The following P4HA1 variants were observed in gnomAD, a reference collection of about 807,000 sequenced individuals.
The protein encoded by P4HA1 is prolyl 4-hydroxylase subunit alpha 1, also known as prolyl 4-hydroxylase subunit alpha-1.
In P4HA1, 24 loss-of-function variants were observed where a neutral mutation model predicts 72.8. The observed-to-expected ratio is 0.33, with a 90% CI of 0.24 to 0.46. The LOEUF (loss-of-function observed/expected upper bound fraction) is 0.46, where lower values mean the gene tolerates loss of function less well. P4HA1 is among the 20% of genes least tolerant of loss of function. The probability of loss-of-function intolerance (pLI) is 1.00; values close to 1 mark genes in which losing one functional copy is unlikely to be tolerated. For synonymous variants in P4HA1, 201 were observed against 218.8 expected (o/e 0.92, Z 0.72); for missense variants, 446 against 640.6 (o/e 0.70, Z 3.28).
At chr10:73,031,494 G>A (rs75270625) in intron 9 of P4HA1, among the ~76,000 whole-genome samples, 1,553 of 152,188 alleles carry the variant, frequency 0.01, 28 homozygotes, top group African/African-American at 0.035. Context: ...CTACATACAT[G>A]CTACAACATG....
chr10:73,012,667 A>G (rs1036296735), intron 12 of P4HA1, among the ~76,000 whole-genome samples: 3 of 152,208 alleles, frequency 2.0e-5, no homozygotes, highest in Admixed American at 2.0e-4. Context: ...AAATAGACTG[A>G]ACAGACAGAT....
At chr10:73,062,121 A>C (rs939433576) in intron 5 of P4HA1, among the ~76,000 whole-genome samples, 1 of 152,230 alleles carries the variant, frequency 6.6e-6, no homozygotes, top group African/African-American at 2.4e-5. Flanking sequence ...AAAATACTCC[A>C]ACAAAAATGA....
chr10:73,074,397 C>A (rs1161144906), intron 2 of P4HA1, among the ~76,000 whole-genome samples: 1 of 152,004 alleles, frequency 6.6e-6, no homozygotes, highest in Non-Finnish European at 1.5e-5. Context: ...CCAGGAGAAT[C>A]CCTTGAGGCC....
At chr10:73,041,520 G>A (rs1260467243) in intron 9 of P4HA1, among the ~76,000 whole-genome samples, 2 of 148,628 alleles carry the variant, frequency 1.3e-5, no homozygotes, top group Non-Finnish European at 3.0e-5. Flanking sequence ...CAGCCTGGGG[G>A]CGACAGAGCA....
chr10:73,042,552 C>T (rs1194514444), intron 9 of P4HA1, among the ~76,000 whole-genome samples: 2 of 152,028 alleles, frequency 1.3e-5, no homozygotes, highest in Non-Finnish European at 2.9e-5. Context: ...TTAAATGTAT[C>T]CACTGGAATC....
chr10:73,087,541 C>T (rs1223204655), intron 1 of P4HA1, among the ~76,000 whole-genome samples: 3 of 152,162 alleles, frequency 2.0e-5, no homozygotes, highest in Non-Finnish European at 2.9e-5. Flanking sequence ...GCTGGGATTA[C>T]AGGCATGACC....
At chr10:73,052,151 TTAG>T (rs1285539909) in intron 6 of P4HA1, among the ~76,000 whole-genome samples, 1 of 151,570 alleles carries the variant, frequency 6.6e-6, no homozygotes, top group Non-Finnish European at 1.5e-5. Context: ...GAACTACCTT[TTAG>T]TAGAAGAAAA....
chr10:73,020,377 T>C (rs1452989997), intron 10 of P4HA1, among the ~76,000 whole-genome samples: 1 of 151,574 alleles, frequency 6.6e-6, no homozygotes, highest in African/African-American at 2.4e-5. Flanking sequence ...AACAGACCAA[T>C]AAGGAATTCT....
At chr10:73,051,019 A>G in intron 7 of P4HA1, 34 bp downstream of exon 7, 2 of 1,471,964 alleles carry the variant, frequency 1.4e-6, no homozygotes, top group Non-Finnish European at 1.9e-6. Context: ...ACACACACAC[A>G]TTCACATACA....
At chr10:73,060,287 C>T (rs905698119) in intron 5 of P4HA1, among the ~76,000 whole-genome samples, 18 of 152,066 alleles carry the variant, frequency 1.2e-4, no homozygotes, top group African/African-American at 4.1e-4. Context: ...AATATAAACC[C>T]TGTGGTTTTC....
In P4HA1 at chr10:73,037,525, CTATATATATATATATATATA is replaced by C. The variant is rs869107512; in HGVS notation, c.1149-7175_1149-7156del. Among the ~76,000 whole-genome samples the C allele has an allele frequency of 4.1e-4, 14 of 34,304 alleles. 1 individual carries two copies. The highest frequency in any genetic ancestry group is 1.2e-3 in the African/African-American group (10 of 8,304). 22.5% of individuals were successfully genotyped at this position (34,304 alleles called of 152,430 possible). ...TCTATGATTAGCTAATCGAAAACCA[CTATATATATATATATATATA>C]TATATATATATATATATATATATAT... On this transcript the variant is annotated intron_variant, in intron 9 of 14. Transcript: ENST00000394890.
chr10:73,095,338 A>G (rs1842140749), intron 1 of P4HA1, among the ~76,000 whole-genome samples: 1 of 151,418 alleles, frequency 6.6e-6, no homozygotes, highest in South Asian at 2.1e-4. Context: ...ATATCGTCTT[A>G]GGATACCGAT....
At chr10:73,060,507 A>G (rs1402230030) in intron 5 of P4HA1, among the ~76,000 whole-genome samples, 1 of 152,202 alleles carries the variant, frequency 6.6e-6, no homozygotes, top group Non-Finnish European at 1.5e-5. Context: ...CAGGAGTTCC[A>G]GGCTGTAGTG....
rs937828225 is a variant in P4HA1 at position 73,052,200 on chromosome 10, A to C, written c.704-951T>G. Among the ~76,000 whole-genome samples the C allele has an allele frequency of 2.6e-5, 4 of 152,186 alleles. No individual in the cohort carries two copies. In the East Asian group the frequency reaches 7.7e-4, roughly 29 times the overall value. ...CTACCCATCTGAGAGGAAAAAAAAA[A>C]AAAACTAAAGAACCACACACACATA... On this transcript the variant is annotated intron_variant, in intron 6 of 14. Transcript: ENST00000394890.
intron 1 of P4HA1, among the ~76,000 whole-genome samples, chr10:73,095,572 C>G (rs1353214237): frequency 6.6e-6 from 1 of 151,524 alleles, no homozygotes; most frequent in African/African-American, 2.4e-5. Context: ...ACGCTGCTGC[C>G]ACGTCTTTGC....
At chr10:73,027,877 G>GGAGGGAGGGAGGGACA (rs1554838633) in intron 10 of P4HA1, among the ~76,000 whole-genome samples, 1 of 131,234 alleles carries the variant, frequency 7.6e-6, no homozygotes, top group African/African-American at 3.2e-5. Flanking sequence ...AGAGAGGGAG[G>GGAGGGAGGGAGGGACA]GAGGGAGGGA....
Position 73,066,550 on chromosome 10 carries a change from C to T in P4HA1, c.463+2296G>A, listed in dbSNP as rs528601852. On this transcript the variant is annotated intron_variant, in intron 5 of 14. Coordinates refer to ENST00000394890, the MANE Select transcript of P4HA1 (RefSeq NM_001017962.3). ...TTTGTTTTTTGAGATAGGGGTCTCA[C>T]TCTGTTGCCCAGGTTGGAGTGTAGT... 6.7e-4 allele frequency among the ~76,000 whole-genome samples: 102 copies of T among 152,232 alleles called. 3 individuals carry two copies. The highest frequency in any genetic ancestry group is 1.0e-3 in the South Asian group (5 of 4,818).
chr10:73,048,392 T>C (rs1158259472), intron 7 of P4HA1, among the ~76,000 whole-genome samples: 5 of 152,158 alleles, frequency 3.3e-5, no homozygotes, highest in African/African-American at 1.2e-4. Context: ...GCCTCCCAAG[T>C]AGCTGAGATT....
chr10:73,050,030 G>A (rs1840980523), intron 7 of P4HA1, among the ~76,000 whole-genome samples: 1 of 152,086 alleles, frequency 6.6e-6, no homozygotes, highest in Non-Finnish European at 1.5e-5. Flanking sequence ...GCCGGGCATG[G>A]TGGCGAATGC....
Sources: allele counts gnomAD v4.1 joint callset (sites outside exome capture counted in the v4.1 genomes callset), GRCh38; gene constraint gnomAD v4.1.1; transcripts MANE v1.5; gene names NCBI Gene and HGNC (gene_info 2026-07-23, HGNC 2026-07-21).